The following WDR41 variants were observed in gnomAD, a reference collection of about 807,000 sequenced individuals.
WDR41 encodes the protein WD repeat-containing protein 41.
In WDR41, 63 loss-of-function variants were observed where a neutral mutation model predicts 69.3. The ratio of observed to expected loss-of-function variants is 0.91; its 90% CI spans 0.74 to 1.12. WDR41 has a LOEUF of 1.12. Among genes scored for constraint, WDR41 ranks in the 50% most tolerant of loss-of-function variants. WDR41 has a pLI of 0.00. For missense variants in WDR41, 543 were observed against 534.5 expected (o/e 1.02, Z -0.16); for synonymous variants, 185 against 192.1 (o/e 0.96, Z 0.31).
intron 1 of WDR41, chr5:77,540,529 C>G (rs1386134147): frequency 1.3e-5 from 2 of 152,138 alleles, no homozygotes. Flanking sequence ...CATGGTGAAA[C>G]TCCGTCTCTA....
intron 1 of WDR41, among the ~76,000 whole-genome samples, chr5:77,567,706 A>G (rs1743659781): frequency 6.6e-6 from 1 of 151,534 alleles, no homozygotes; most frequent in South Asian, 2.1e-4. Flanking sequence ...AACCAATGCT[A>G]TTCTGAATCA....
intron 1 of WDR41, chr5:77,491,819 G>C (rs2112130833): frequency 3.3e-6 from 1 of 301,322 alleles, no homozygotes; most frequent in East Asian, 6.0e-5. Context: ...TACTTTTTAA[G>C]TGGAAATGAA....
intron 1 of WDR41, among the ~76,000 whole-genome samples, chr5:77,589,166 G>T (rs1031073849): frequency 6.7e-4 from 102 of 152,232 alleles, no homozygotes; most frequent in African/African-American, 2.3e-3. Flanking sequence ...TATTGATTTG[G>T]GGGTTACAAA....
chr5:77,449,909 C>CT, intron 7 of WDR41, 39 bp from the exon 8 acceptor site: 2 of 1,370,460 alleles, frequency 1.5e-6, no homozygotes, highest in Non-Finnish European at 2.1e-6. Context: ...TTACAATGCT[C>CT]TAAGAGGATA....
At chr5:77,454,017 C>A (rs924699143) in intron 5 of WDR41, 89 bp from the exon 6 acceptor site, 2 of 969,040 alleles carry the variant, frequency 2.1e-6, no homozygotes, top group African/African-American at 3.3e-5. Context: ...AGTTCTTTAA[C>A]CCCTTCCTTC....
chr5:77,582,447 T>C, intron 1 of WDR41: 2 of 1,605,242 alleles, frequency 1.2e-6, no homozygotes, highest in Middle Eastern at 1.7e-4. Flanking sequence ...AGCGAAGGAA[T>C]TTCGTAGAGC....
chr5:77,567,117 A>G (rs1417374506), intron 1 of WDR41, among the ~76,000 whole-genome samples: 1 of 152,172 alleles, frequency 6.6e-6, no homozygotes, highest in Non-Finnish European at 1.5e-5. Context: ...CGGCTTCCAC[A>G]TACTTATTAG....
upstream of WDR41, among the ~76,000 whole-genome samples, chr5:77,493,956 GA>G (rs1270711548): frequency 2.0e-5 from 3 of 150,584 alleles, no homozygotes; most frequent in Admixed American, 6.7e-5. Context: ...GGACAGCTAA[GA>G]AAGAATTTTT....
chr5:77,445,190 A>C (rs1477674953), intron 8 of WDR41, among the ~76,000 whole-genome samples: 1 of 152,196 alleles, frequency 6.6e-6, no homozygotes, highest in Non-Finnish European at 1.5e-5. Flanking sequence ...GAAATGAATA[A>C]ATTCCTGGAC....
intron 1 of WDR41, among the ~76,000 whole-genome samples, chr5:77,535,677 C>T (rs1742960052): frequency 6.6e-6 from 1 of 152,160 alleles, no homozygotes; most frequent in Non-Finnish European, 1.5e-5. Context: ...TTATCCTGGA[C>T]TCACAAAAAC....
chr5:77,596,161 T>C (rs1403989024), intron 1 of WDR41, among the ~76,000 whole-genome samples: 1 of 152,164 alleles, frequency 6.6e-6, no homozygotes, highest in East Asian at 1.9e-4. Flanking sequence ...ATGTAGAAGG[T>C]TTTTTGAGAC....
intron 1 of WDR41, among the ~76,000 whole-genome samples, chr5:77,537,129 A>G (rs1283204920): frequency 6.6e-6 from 1 of 152,252 alleles, no homozygotes; most frequent in Non-Finnish European, 1.5e-5. Flanking sequence ...GTGCATTCCA[A>G]GGGAATACTT....
At chr5:77,478,611 G>A (rs895061367) in intron 2 of WDR41, among the ~76,000 whole-genome samples, 6 of 152,170 alleles carry the variant, frequency 3.9e-5, no homozygotes, top group African/African-American at 1.4e-4. Flanking sequence ...AAAGGCCTTT[G>A]ACAAAATTCA....
At chr5:77,532,736 A>C (rs1277880218) in intron 1 of WDR41, among the ~76,000 whole-genome samples, 2 of 152,192 alleles carry the variant, frequency 1.3e-5, no homozygotes, top group Non-Finnish European at 2.9e-5. Flanking sequence ...AAAAACAGGC[A>C]AAACTAAATT....
chr5:77,565,821 C>T (rs923618828), intron 1 of WDR41, among the ~76,000 whole-genome samples: 1 of 152,078 alleles, frequency 6.6e-6, no homozygotes, highest in Non-Finnish European at 1.5e-5. Flanking sequence ...AATCTTCTCT[C>T]CATAGACAGA....
intron 1 of WDR41, among the ~76,000 whole-genome samples, chr5:77,552,669 A>G (rs916705697): frequency 1.3e-5 from 2 of 152,200 alleles, no homozygotes; most frequent in Admixed American, 1.3e-4. Flanking sequence ...TGTAATCAAG[A>G]GAGTGTGGTG....
chr5:77,546,142 C>G, intron 1 of WDR41: 1 of 488,980 alleles, frequency 2.0e-6, no homozygotes. Context: ...TACTTGACCT[C>G]CGACCTCTGG....
At chr5:77,611,314 C>T (rs1204131657) in intron 1 of WDR41, among the ~76,000 whole-genome samples, 2 of 152,246 alleles carry the variant, frequency 1.3e-5, no homozygotes, top group Non-Finnish European at 2.9e-5. Context: ...ATCTAATAGA[C>T]ATCTACAGAA....
chr5:77,616,893 C>T (rs1187031892), intron 1 of WDR41, among the ~76,000 whole-genome samples: 2 of 152,166 alleles, frequency 1.3e-5, no homozygotes, highest in African/African-American at 4.8e-5. Flanking sequence ...TCTTCTTCCC[C>T]ATCCTATCCC....
Sources: gnomAD v4.1 joint callset for allele counts (sites outside exome capture counted in the v4.1 genomes callset) on GRCh38, gnomAD v4.1.1 for gene constraint, MANE v1.5 for transcripts, NCBI Gene and HGNC (gene_info 2026-07-23, HGNC 2026-07-21) for gene names.